STK31: variants seen among roughly 807,000 people sequenced by gnomAD.
STK31 encodes serine/threonine kinase 31.
In STK31, 89 loss-of-function variants were observed where a neutral mutation model predicts 129.7. The ratio of observed to expected loss-of-function variants is 0.69; its 90% CI spans 0.58 to 0.82. STK31 has a LOEUF of 0.82. STK31 is among the 40% of genes least tolerant of loss of function. The pLI is 0.00. For synonymous variants in STK31, 448 were observed against 395.3 expected, an observed-to-expected ratio of 1.13 and a Z score of -1.58; for missense variants, 1,187 against 1,176.4, an observed-to-expected ratio of 1.01 and a Z score of -0.13.
chr7:23,789,099 A>G (rs1791467988), intron 21 of STK31, among the ~76,000 whole-genome samples: 1 of 152,186 alleles, frequency 6.6e-6, no homozygotes, highest in Non-Finnish European at 1.5e-5. Context: ...TAGTGTTTTC[A>G]GAGTTCATCC....
chr7:23,731,382 C>A (rs1297359356), intron 6 of STK31, among the ~76,000 whole-genome samples: 1 of 152,136 alleles, frequency 6.6e-6, no homozygotes, highest in Admixed American at 6.5e-5. Flanking sequence ...TTACCCGGTC[C>A]TCTGTGGTGT....
chr7:23,756,242 T>C (rs1018418019), intron 10 of STK31, among the ~76,000 whole-genome samples: 1 of 152,224 alleles, frequency 6.6e-6, no homozygotes, highest in African/African-American at 2.4e-5. Context: ...CTAGGTATTT[T>C]ATTCTGTTTG....
rs66962254 is a variant in STK31, at chr7:23,782,471, CAAAA to C, written c.2067+969_2067+972del. Among the ~76,000 whole-genome samples the C allele has an allele frequency of 5.7e-3, 480 of 84,544 alleles. 5 individuals carry two copies. The highest frequency in any genetic ancestry group is 0.02 in the African/African-American group (462 of 22,966). 55.5% of individuals were successfully genotyped at this position (84,544 alleles called of 152,430 possible). ...TGGGCAACAGAGCAAGACCCTGTCTCAAAAAAAAAAAAAAAAAAAAAGAAAAGAA... is the reference window on the plus strand; with the variant it reads ...TGGGCAACAGAGCAAGACCCTGTCTCAAAAAAAAAAAAAAAAAGAAAAGAA... On this transcript the variant is annotated intron_variant, in intron 16 of 23. Coordinates refer to ENST00000355870, the MANE Select transcript of STK31 (RefSeq NM_031414.5).
At chr7:23,816,139 A>G (rs1327905644) in intron 23 of STK31, among the ~76,000 whole-genome samples, 2 of 152,166 alleles carry the variant, frequency 1.3e-5, no homozygotes, top group Non-Finnish European at 2.9e-5. Flanking sequence ...TAGCAGTAAA[A>G]AGCATTTCAG....
intron 22 of STK31, chr7:23,811,183 A>G (rs16873463): frequency 0.022 from 4,334 of 192,690 alleles, 97 homozygotes; most frequent in African/African-American, 0.062. Context: ...AGAAAATCAC[A>G]TATAGGGTCA....
At chr7:23,726,246 A>G (rs1033007227) in intron 4 of STK31, 2 of 152,020 alleles carry the variant, frequency 1.3e-5, no homozygotes, top group Non-Finnish European at 2.9e-5. Flanking sequence ...TGCTACTGGC[A>G]TCTAGTGTCT....
At chr7:23,804,010 T>G (rs1001025171) in intron 22 of STK31, among the ~76,000 whole-genome samples, 1 of 152,172 alleles carries the variant, frequency 6.6e-6, no homozygotes, top group Non-Finnish European at 1.5e-5. Flanking sequence ...TGTTTCTGTG[T>G]GTGTTGAGGA....
At position 23,754,379 on chromosome 7, in the gene STK31, G is replaced by A. The variant is rs1167542484; in HGVS notation, c.1198G>A (p.Gly400Arg). 1 of 1,613,910 alleles carries A rather than the reference G, an allele frequency of 6.2e-7. No individual in the cohort carries two copies. Among genetic ancestry groups the A allele is most frequent in the Non-Finnish European group, 8.5e-7 (1 of 1,179,974 alleles). ...LSDAIQVLDE[G>R]CFTTPASLNG... ...AGATGCTATACAAGTGTTGGATGAA[G>A]GGTGCTTTACTACTCCAGCTTCTTT... is the stretch of plus-strand genomic sequence containing the variant. The change falls in exon 10 of 24, where the codon GGG (glycine) becomes AGG (arginine). Residue 400 changes from glycine (G) to arginine (R), a missense_variant. Gly to Arg is a moderately radical substitution (Grantham distance 125). Transcript: ENST00000355870.
intron 8 of STK31, among the ~76,000 whole-genome samples, chr7:23,744,294 CTT>C (rs76963559): frequency 4.1e-4 from 57 of 139,794 alleles, no homozygotes; most frequent in Non-Finnish European, 3.7e-4. Context: ...TCTAGGATTT[CTT>C]TTTTTTTTTT....
chr7:23,742,691 CCCT>C (rs1049754855), intron 8 of STK31, among the ~76,000 whole-genome samples: 3 of 152,202 alleles, frequency 2.0e-5, no homozygotes, highest in African/African-American at 7.2e-5. Context: ...CTTCCTCAAA[CCCT>C]CTCCTTTCTT....
At chr7:23,806,056 A>G (rs987412489) in intron 22 of STK31, among the ~76,000 whole-genome samples, 5 of 152,208 alleles carry the variant, frequency 3.3e-5, no homozygotes, top group Admixed American at 6.5e-5. Flanking sequence ...CTGCCTTCAC[A>G]TCACATATTA....
At chr7:23,719,873 G>A (rs901087643) in intron 4 of STK31, among the ~76,000 whole-genome samples, 2 of 152,028 alleles carry the variant, frequency 1.3e-5, no homozygotes, top group Non-Finnish European at 2.9e-5. Flanking sequence ...CATTGATTGG[G>A]CTTCCTTAAC....
intron 4 of STK31, 53 bp from the exon 5 acceptor site, chr7:23,727,188 C>A: frequency 1.4e-6 from 2 of 1,429,642 alleles, no homozygotes; most frequent in Non-Finnish European, 2.0e-6. Context: ...TTATTCTGAT[C>A]TGTTCACCAT....
chr7:23,810,635 TA>T (rs1369989017), intron 22 of STK31, among the ~76,000 whole-genome samples: 1 of 137,310 alleles, frequency 7.3e-6, no homozygotes, highest in Non-Finnish European at 1.5e-5. Flanking sequence ...ATAATAGATA[TA>T]AAATATATAA....
chr7:23,717,083 G>A (rs1786378552), intron 3 of STK31, among the ~76,000 whole-genome samples: 1 of 118,150 alleles, frequency 8.5e-6, no homozygotes, highest in Non-Finnish European at 1.7e-5. Flanking sequence ...ACAGGTGTGA[G>A]CCATCGCAAC....
At chr7:23,713,035 C>T (rs1439057952) in intron 3 of STK31, among the ~76,000 whole-genome samples, 3 of 151,948 alleles carry the variant, frequency 2.0e-5, no homozygotes, top group Non-Finnish European at 2.9e-5. Flanking sequence ...TATGATTAAC[C>T]CAGAGTTCTT....
intron 5 of STK31, 168 bp downstream of exon 5, chr7:23,727,483 A>G: frequency 3.4e-6 from 2 of 587,102 alleles, no homozygotes; most frequent in Non-Finnish European, 6.0e-6. Flanking sequence ...TTTTATAATC[A>G]CCTCAGATTA....
At chr7:23,820,995 A>G (rs1398121165) in intron 23 of STK31, among the ~76,000 whole-genome samples, 1 of 152,090 alleles carries the variant, frequency 6.6e-6, no homozygotes, top group African/African-American at 2.4e-5. Flanking sequence ...GCTGCAGTAA[A>G]CATGGGGGTG....
At position 23,754,316 on chromosome 7, in the gene STK31, C is replaced by T. The variant is rs1439395709; in HGVS notation, c.1135C>T (p.His379Tyr). 9 of 1,601,626 alleles carry T rather than the reference C, an allele frequency of 5.6e-6. No individual in the cohort carries two copies. The highest frequency in any genetic ancestry group is 7.6e-6 in the Non-Finnish European group (9 of 1,177,016). The part of the protein sequence containing the change: ...AKMEILKEMR[H>Y]VDISVRFGKD... ...TCTTTTTGATGTTTTTAAAAATAGG[C>T]ATGTCGACATCAGTGTCCGTTTCGG... Residue 379 changes from histidine (H) to tyrosine (Y), a missense_variant and splice_region_variant, in exon 10 of 24, where the codon CAT becomes TAT. Physicochemically the swap from His to Tyr is moderately conservative, Grantham distance 83. Around this residue, in one of 5 missense-constraint regions of STK31, gnomAD observed 975 missense variants for 934.9 expected, o/e 1.04. Coordinates refer to ENST00000355870, the MANE Select transcript of STK31 (RefSeq NM_031414.5).
Sources: allele counts gnomAD v4.1 joint callset (sites outside exome capture counted in the v4.1 genomes callset), GRCh38; gene constraint gnomAD v4.1.1; regional missense constraint gnomAD v4.1.1; transcripts MANE v1.5; gene names NCBI Gene and HGNC (gene_info 2026-07-23, HGNC 2026-07-21).